ACYP2: variants seen among roughly 807,000 people sequenced by gnomAD.
ACYP2 encodes the protein acylphosphatase 2.
A neutral mutation model predicts 11.2 loss-of-function variants in ACYP2; 12 were observed. That is an observed-to-expected ratio of 1.08 (90% CI 0.69 to 1.74). The LOEUF (loss-of-function observed/expected upper bound fraction) is 1.74. Ranked by LOEUF, ACYP2 falls within the 40% of genes most tolerant of loss-of-function variation. The pLI, the probability that ACYP2 is intolerant of heterozygous loss-of-function variation, is 0.00. For synonymous variants in ACYP2, 43 were observed against 32.2 expected (o/e 1.33, Z -1.13); for missense variants, 134 against 101.9 (o/e 1.31, Z -1.35).
intron 2 of ACYP2, among the ~76,000 whole-genome samples, chr2:54,014,032 C>T (rs187407270): frequency 6.6e-6 from 1 of 152,024 alleles, no homozygotes; most frequent in African/African-American, 2.4e-5. Context: ...GTGGCAGGCA[C>T]TTGTAATCCC....
At chr2:53,988,971 A>G (rs1319789006) in intron 2 of ACYP2, among the ~76,000 whole-genome samples, 5 of 150,952 alleles carry the variant, frequency 3.3e-5, no homozygotes, top group Non-Finnish European at 7.4e-5. Flanking sequence ...CTGGTCTTCA[A>G]CTCCTGACCT....
chr2:54,044,983 G>A (rs886951076), intron 2 of ACYP2, among the ~76,000 whole-genome samples: 8 of 152,190 alleles, frequency 5.3e-5, no homozygotes, highest in African/African-American at 1.2e-4. Context: ...TTTAGTGCCT[G>A]TTGTATTAGA....
intron 2 of ACYP2, among the ~76,000 whole-genome samples, chr2:54,017,037 T>C (rs1673727690): frequency 6.8e-6 from 1 of 146,804 alleles, no homozygotes; most frequent in Admixed American, 6.6e-5. Flanking sequence ...TCAGTGTCTT[T>C]TGAGGACCTT....
intron 2 of ACYP2, among the ~76,000 whole-genome samples, chr2:54,001,628 A>G (rs939255616): frequency 2.6e-5 from 4 of 152,168 alleles, no homozygotes; most frequent in African/African-American, 9.7e-5. Flanking sequence ...TTCTGACCTC[A>G]GGTGATCCAC....
intron 6 of ACYP2, chr2:54,254,387 AG>A (rs1220985525): frequency 6.5e-6 from 1 of 153,602 alleles, no homozygotes; most frequent in Non-Finnish European, 1.4e-5. Context: ...GGGAATAGCC[AG>A]TAGCAGGCAG....
intron 3 of ACYP2, among the ~76,000 whole-genome samples, chr2:54,054,572 T>G (rs1180677359): frequency 1.3e-5 from 2 of 152,222 alleles, no homozygotes; most frequent in African/African-American, 4.8e-5. Flanking sequence ...AACATAACAG[T>G]ACTGTGTGTT....
intron 6 of ACYP2, among the ~76,000 whole-genome samples, chr2:54,182,714 G>A (rs1448968176): frequency 2.0e-5 from 3 of 152,198 alleles, no homozygotes; most frequent in Non-Finnish European, 4.4e-5. Flanking sequence ...AGCAGAGTCA[G>A]TCACGCAAAG....
rs550835153 is a variant in ACYP2 at position 54,276,029 on chromosome 2, T to A, written c.405-28659T>A. Among the ~76,000 whole-genome samples the A allele has an allele frequency of 4.6e-5, 7 of 152,286 alleles. 1 individual carries two copies. The highest frequency in any genetic ancestry group is 1.7e-4 in the African/African-American group (7 of 41,584). On this transcript the variant is annotated intron_variant, in intron 6 of 6. Transcript: ENST00000607452. ...AACTAGAACTTAAATAGCTTACATG[T>A]TTATCCTTTCTATCCTTGTTAGGAA...
intron 2 of ACYP2, among the ~76,000 whole-genome samples, chr2:53,995,457 A>G (rs1178470083): frequency 6.7e-6 from 1 of 149,740 alleles, no homozygotes; most frequent in Non-Finnish European, 1.5e-5. Context: ...CAATTAATTC[A>G]ATGCTATTAT....
chr2:54,162,038 C>G (rs1206640136), intron 6 of ACYP2, among the ~76,000 whole-genome samples: 1 of 151,968 alleles, frequency 6.6e-6, no homozygotes, highest in Non-Finnish European at 1.5e-5. Flanking sequence ...CATATAGATT[C>G]TTACTTTTTT....
chr2:54,153,051 T>C (rs183077550), intron 6 of ACYP2, among the ~76,000 whole-genome samples: 2 of 152,208 alleles, frequency 1.3e-5, no homozygotes, highest in East Asian at 1.9e-4. Flanking sequence ...AATTATAGGG[T>C]ACACAGTTTT....
At chr2:54,198,318 A>C (rs1159356871) in intron 6 of ACYP2, among the ~76,000 whole-genome samples, 11 of 152,110 alleles carry the variant, frequency 7.2e-5, no homozygotes, top group Non-Finnish European at 1.6e-4. Context: ...CGCCTGGGCA[A>C]CTTATGATTT....
At chr2:54,126,636 T>G (rs971012468) in intron 4 of ACYP2, among the ~76,000 whole-genome samples, 2 of 139,868 alleles carry the variant, frequency 1.4e-5, no homozygotes, top group African/African-American at 5.2e-5. Context: ...AAATTAGAAC[T>G]CTAAAACTCT....
intron 4 of ACYP2, among the ~76,000 whole-genome samples, chr2:54,095,427 G>A (rs1238374248): frequency 6.6e-6 from 1 of 152,208 alleles, no homozygotes; most frequent in Non-Finnish European, 1.5e-5. Flanking sequence ...GTGGTGGCCG[G>A]GCAGAGGGGC....
chr2:53,993,665 C>G (rs1672415757), intron 2 of ACYP2, among the ~76,000 whole-genome samples: 1 of 151,266 alleles, frequency 6.6e-6, no homozygotes, highest in Non-Finnish European at 1.5e-5. Flanking sequence ...CCACTGCACT[C>G]CAGCCTGAGC....
intron 2 of ACYP2, among the ~76,000 whole-genome samples, chr2:53,986,149 A>G (rs1027922404): frequency 6.6e-6 from 1 of 151,772 alleles, no homozygotes; most frequent in African/African-American, 2.4e-5. Context: ...AATAATAAAA[A>G]TAAATAAATA....
chr2:54,204,311 T>A (rs529261987), intron 6 of ACYP2, among the ~76,000 whole-genome samples: 3 of 151,422 alleles, frequency 2.0e-5, no homozygotes, highest in African/African-American at 7.3e-5. Context: ...TTTTTTTTTT[T>A]ATGATTTTTT....
intron 2 of ACYP2, among the ~76,000 whole-genome samples, chr2:53,988,517 C>CCA (rs1232344530): frequency 6.6e-6 from 1 of 151,652 alleles, no homozygotes; most frequent in African/African-American, 2.4e-5. Context: ...CCTCTTGCCT[C>CCA]AGCCTCCCGA....
intron 6 of ACYP2, among the ~76,000 whole-genome samples, chr2:54,201,951 G>C (rs530513502): frequency 1.4e-4 from 21 of 151,772 alleles, no homozygotes; most frequent in Admixed American, 9.2e-4. Context: ...GAGGTGATCC[G>C]CTTGCCTCGA....
Sources: allele counts gnomAD v4.1 joint callset (sites outside exome capture counted in the v4.1 genomes callset), GRCh38; gene constraint gnomAD v4.1.1; transcripts MANE v1.5; gene names NCBI Gene and HGNC (gene_info 2026-07-23, HGNC 2026-07-21).